Variants in FAM78A observed in about 807,000 individuals in gnomAD.
FAM78A encodes family with sequence similarity 78 member A.
A neutral mutation model predicts 22.6 loss-of-function variants in FAM78A; 12 were observed. The observed-to-expected ratio is 0.53, with a 90% CI of 0.34 to 0.86. The LOEUF is 0.86. FAM78A is among the 40% of genes least tolerant of loss of function. The pLI is 0.02. For missense variants in FAM78A, 322 were observed against 396.1 expected (o/e 0.81, Z 1.59); for synonymous variants, 151 against 155.8 (o/e 0.97, Z 0.23).
Position 131,258,298 on chromosome 9 carries a change from G to C in FAM78A, c.*2524C>G, listed in dbSNP as rs527623746. 2 of 152,754 alleles carry C rather than the reference G, an allele frequency of 1.3e-5. No individual in the cohort carries two copies. The highest frequency in any genetic ancestry group is 3.9e-4 in the East Asian group (2 of 5,168). The allele number at this position is 152,754 out of a possible 1,614,324, so 9.5% of individuals were successfully genotyped here. A position where few individuals can be genotyped will look rare whatever the true frequency, so the allele number is the denominator to read the frequency against. ...GGGGCTGGAGGACATAAGAAGAATC[G>C]GGGCCCTGGCAGGAAGCCTGGGGCC... On this transcript the variant is annotated 3_prime_UTR_variant, in exon 2 of 2. Coordinates refer to ENST00000372271, the MANE Select transcript of FAM78A (RefSeq NM_033387.4).
At chr9:131,278,020 C>T (rs1835506669), upstream of FAM78A, among the ~76,000 whole-genome samples, 1 of 146,492 alleles carries the variant, frequency 6.8e-6, no homozygotes, top group Non-Finnish European at 1.5e-5. Flanking sequence ...CGCTCGCCGG[C>T]CCCGCGGGGA....
At chr9:131,262,090 G>A (rs1835277984) in intron 1 of FAM78A, among the ~76,000 whole-genome samples, 1 of 151,854 alleles carries the variant, frequency 6.6e-6, no homozygotes, top group Non-Finnish European at 1.5e-5. Context: ...CACTTTGGGA[G>A]GCCAAGGGGG....
intron 1 of FAM78A, among the ~76,000 whole-genome samples, chr9:131,267,166 C>G (rs1352595069): frequency 1.3e-5 from 2 of 152,212 alleles, no homozygotes; most frequent in East Asian, 1.9e-4. Flanking sequence ...TGACCCAGCT[C>G]TTACCCCACC....
rs1305809926 is a variant in FAM78A, at chr9:131,258,313, A to T, written c.*2509T>A. 6.6e-6 allele frequency: 1 copy of T among 152,648 alleles called. No homozygotes were observed. The highest frequency in any genetic ancestry group is 1.5e-5 in the Non-Finnish European group (1 of 68,070). The allele number at this position is 152,648 out of a possible 1,614,324, so 9.5% of individuals were successfully genotyped here. ...AAGAAGAATCGGGGCCCTGGCAGGA[A>T]GCCTGGGGCCTGTGCTCCAACATGA... On this transcript the variant is annotated 3_prime_UTR_variant, in exon 2 of 2. Coordinates refer to ENST00000372271, the MANE Select transcript of FAM78A (RefSeq NM_033387.4).
upstream of FAM78A, among the ~76,000 whole-genome samples, chr9:131,278,233 G>T (rs900563679): frequency 1.3e-5 from 2 of 152,084 alleles, no homozygotes; most frequent in Non-Finnish European, 2.9e-5. Flanking sequence ...GGCCAGCCCC[G>T]GGAATTCTGG....
Position 131,265,410 on chromosome 9 carries a change from C to A in FAM78A, c.324-4060G>T, listed in dbSNP as rs1013355168. Among the ~76,000 whole-genome samples the A allele has an allele frequency of 1.3e-5, 2 of 152,184 alleles. No individual in the cohort carries two copies. The highest frequency in any genetic ancestry group is 4.8e-5 in the African/African-American group (2 of 41,448). On this transcript the variant is annotated intron_variant, in intron 1 of 1. Coordinates refer to ENST00000372271, the MANE Select transcript of FAM78A (RefSeq NM_033387.4). This position sits in a 1 kb window ranked among gnomAD's most constrained non-coding sequence, Gnocchi z 4.3. Reference sequence around the variant, plus strand: ...AGCTGGGATTACAGGCATGTGCCACCATGCCGGACTAATTATTTAGTAGAG... The same window carrying A: ...AGCTGGGATTACAGGCATGTGCCACAATGCCGGACTAATTATTTAGTAGAG...
At chr9:131,273,071 T>C (rs1052875478) in intron 1 of FAM78A, among the ~76,000 whole-genome samples, 6 of 152,216 alleles carry the variant, frequency 3.9e-5, no homozygotes, top group Admixed American at 6.5e-5. Flanking sequence ...AGGGTGCAGG[T>C]TGAATCCGGG....
intron 1 of FAM78A, chr9:131,264,299 G>A (rs1317673389): frequency 2.4e-6 from 1 of 411,732 alleles, no homozygotes; most frequent in Non-Finnish European, 4.4e-6. Context: ...CCCAGGCCCT[G>A]GCTCAGGCAA....
chr9:131,262,037 G>A (rs1163624793), intron 1 of FAM78A, among the ~76,000 whole-genome samples: 4 of 151,848 alleles, frequency 2.6e-5, no homozygotes, highest in Non-Finnish European at 4.4e-5. Flanking sequence ...GACCAGCCTG[G>A]CCAACATGGT....
In FAM78A at chr9:131,275,761, G is replaced by A; in HGVS notation, c.323+96C>T. On this transcript the variant is annotated intron_variant, in intron 1 of 1. Transcript: ENST00000372271. The surrounding 1 kb of genome is among the most constrained non-coding windows in gnomAD (Gnocchi z 4.6). Reference sequence around the variant, plus strand: ...CCTCTGGCCTCCGTCCTGTCTTCATGGTATCTCCACCTTCCCCCTATCCGC... The same window carrying A: ...CCTCTGGCCTCCGTCCTGTCTTCATAGTATCTCCACCTTCCCCCTATCCGC... The A allele has an allele frequency of 7.6e-7, 1 of 1,311,768 alleles. No individual in the cohort carries two copies. The highest frequency in any genetic ancestry group is 2.5e-5 in the East Asian group (1 of 40,582). The allele number at this position is 1,311,768 out of a possible 1,614,324, so 81.3% of individuals were successfully genotyped here. A position where few individuals can be genotyped will look rare whatever the true frequency, so the allele number is the denominator to read the frequency against.
chr9:131,275,992 C>A lies in FAM78A; in HGVS notation c.188G>T (p.Arg63Leu). ...GGCCCGGAAGTGGGGTGTCCGGTAG[C>A]GGAGCACCACGCTGGAGGACTCATC... ...SIDESSSVVL[R>L]YRTPHFRASA... Residue 63 changes from arginine to leucine, a missense_variant, in exon 1 of 2, where the codon CGC (arginine) becomes CTC (leucine). Coordinates refer to ENST00000372271, the MANE Select transcript of FAM78A (RefSeq NM_033387.4). This position sits in a 1 kb window ranked among gnomAD's most constrained non-coding sequence, Gnocchi z 4.6. The A allele has an allele frequency of 6.2e-7, 1 of 1,613,666 alleles. No homozygotes were observed. The highest frequency in any genetic ancestry group is 8.5e-7 in the Non-Finnish European group (1 of 1,180,030).
intron 1 of FAM78A, among the ~76,000 whole-genome samples, chr9:131,269,976 C>T (rs1225710980): frequency 6.9e-6 from 1 of 144,942 alleles, no homozygotes; most frequent in African/African-American, 2.6e-5. Context: ...AGGCAGATCA[C>T]TTGAGGTCAG....
intron 1 of FAM78A, chr9:131,264,259 G>T: frequency 3.0e-6 from 1 of 328,256 alleles, no homozygotes; most frequent in Admixed American, 4.9e-5. Context: ...CCAGCCTTGG[G>T]GTTTTCTTTC....
intron 1 of FAM78A, chr9:131,264,514 G>A: frequency 1.4e-6 from 1 of 704,666 alleles, no homozygotes; most frequent in Non-Finnish European, 2.7e-6. Flanking sequence ...CAGCTCTTCA[G>A]CAGCCCACAG....
At chr9:131,276,863 G>A (rs948648229), upstream of FAM78A, among the ~76,000 whole-genome samples, 1 of 149,164 alleles carries the variant, frequency 6.7e-6, no homozygotes, top group African/African-American at 2.4e-5. The surrounding 1 kb of genome is among the most constrained non-coding windows in gnomAD (Gnocchi z 4.3). Flanking sequence ...TCCCTTCGCC[G>A]CTGTCGCTGC....
chr9:131,264,694 A>G lies in FAM78A; in HGVS notation c.324-3344T>C, dbSNP rs1051245904. 16 of 692,876 alleles carry G rather than the reference A, an allele frequency of 2.3e-5. No individual in the cohort carries two copies. The African/African-American group carries it at 2.5e-4, about 11-fold the overall frequency. The allele number at this position is 692,876 out of a possible 1,614,324, so 42.9% of individuals were successfully genotyped here. A position where few individuals can be genotyped will look rare whatever the true frequency, so the allele number is the denominator to read the frequency against. ...GACCAGGTAGCCCTGATTTGACCCA[A>G]AGCCCTAATTTGACCTGAAGCCTTT... is the stretch of plus-strand genomic sequence containing the variant. On this transcript the variant is annotated intron_variant, in intron 1 of 1. Transcript: ENST00000372271.
rs546263135 is a variant in FAM78A, at chr9:131,275,314, C to T, written c.323+543G>A. On this transcript the variant is annotated intron_variant, in intron 1 of 1. Transcript: ENST00000372271. This position sits in a 1 kb window ranked among gnomAD's most constrained non-coding sequence, Gnocchi z 4.6. Reference sequence around the variant, plus strand: ...TTCTAAAACTAACTGTGCTCTCAAACACAGTGCCGTTTGGAACGGGGAAGC... The same window carrying T: ...TTCTAAAACTAACTGTGCTCTCAAATACAGTGCCGTTTGGAACGGGGAAGC... Among the ~76,000 whole-genome samples the T allele has an allele frequency of 1.3e-5, 2 of 152,378 alleles. No individual in the cohort carries two copies. Among genetic ancestry groups the T allele is most frequent in the East Asian group, 3.9e-4 (2 of 5,186 alleles).
chr9:131,261,198 T>C lies in FAM78A; in HGVS notation c.476A>G (p.Asn159Ser). ...TGTGACGCTGGGGTAAAAGTTGTCA[T>C]TCATGCTGATGATGAACTTGGAGTC... is the stretch of plus-strand genomic sequence containing the variant. ...KRDSKFIISM[N>S]DNFYPSVTWA... The change falls in exon 2 of 2, where the codon AAT (asparagine) becomes AGT (serine). Residue 159 changes from asparagine (N) to serine (S), a missense_variant. Physicochemically the swap from Asn to Ser is conservative, Grantham distance 46. Coordinates refer to ENST00000372271, the MANE Select transcript of FAM78A (RefSeq NM_033387.4). The surrounding 1 kb of genome is among the most constrained non-coding windows in gnomAD (Gnocchi z 7.1). 1 of 1,613,996 alleles carries C rather than the reference T, an allele frequency of 6.2e-7. No individual in the cohort carries two copies. The highest frequency in any genetic ancestry group is 8.5e-7 in the Non-Finnish European group (1 of 1,179,996).
At chr9:131,262,259 C>T (rs1835280930) in intron 1 of FAM78A, among the ~76,000 whole-genome samples, 1 of 148,944 alleles carries the variant, frequency 6.7e-6, no homozygotes, top group Admixed American at 6.7e-5. Flanking sequence ...TGCAGTGAGC[C>T]GAGATCACGC....
Sources: allele counts gnomAD v4.1 joint callset (sites outside exome capture counted in the v4.1 genomes callset), GRCh38; gene constraint gnomAD v4.1.1; non-coding constraint Gnocchi (gnomAD v3.1); transcripts MANE v1.5; gene names NCBI Gene and HGNC (gene_info 2026-07-23, HGNC 2026-07-21).